CLIC4: variants seen among roughly 807,000 people sequenced by gnomAD.
The protein encoded by CLIC4 is CLIC family member 4.
Under a neutral mutation model 24.6 loss-of-function variants are expected in CLIC4, and 13 were observed. That is an observed-to-expected ratio of 0.53 (90% CI 0.34 to 0.84). The LOEUF is 0.84. Ranked by LOEUF, CLIC4 falls within the 40% of genes least tolerant of loss-of-function variation. CLIC4 has a pLI of 0.01. For missense variants in CLIC4, 227 were observed against 301.7 expected (o/e 0.75, Z 1.83); for synonymous variants, 104 against 111.3 (o/e 0.93, Z 0.41).
At chr1:24,771,780 A>G (rs111882912) in intron 1 of CLIC4, 16 of 479,276 alleles carry the variant, frequency 3.3e-5, no homozygotes, top group Admixed American at 4.4e-5. Context: ...CTATATAGCT[A>G]TTGGTCTAAA....
At chr1:24,821,983 G>T (rs1269568083) in intron 3 of CLIC4, among the ~76,000 whole-genome samples, 1 of 152,150 alleles carries the variant, frequency 6.6e-6, no homozygotes, top group Non-Finnish European at 1.5e-5. Flanking sequence ...TTATTTTGTG[G>T]ATTATCTCTG....
At position 24,827,016 on chromosome 1, in the gene CLIC4, A is replaced by G. The variant is rs1384917326; in HGVS notation, c.315A>G (p.Leu105=). The G allele has an allele frequency of 6.2e-7, 1 of 1,604,238 alleles. No individual in the cohort carries two copies. The highest frequency in any genetic ancestry group is 8.5e-7 in the Non-Finnish European group (1 of 1,176,084). Residue 105 remains leucine (L), a synonymous_variant, in exon 4 of 6, where the codon TTA becomes TTG. Coordinates refer to ENST00000374379, the MANE Select transcript of CLIC4 (RefSeq NM_013943.3). Reference sequence around the variant, plus strand: ...TATCACTTTTTCTATTTAGGTACTTAAAGCTTTCACCAAAACACCCAGAAT... The same window carrying G: ...TATCACTTTTTCTATTTAGGTACTTGAAGCTTTCACCAAAACACCCAGAAT... ...LEEVLCPPKY[L]KLSPKHPESN...
chr1:24,764,684 TATC>T (rs1638971169), intron 1 of CLIC4, among the ~76,000 whole-genome samples: 1 of 152,004 alleles, frequency 6.6e-6, no homozygotes, highest in Admixed American at 6.5e-5. Context: ...CATACTCTGG[TATC>T]TTCTGGCATT....
At chr1:24,764,049 A>G (rs942068243) in intron 1 of CLIC4, among the ~76,000 whole-genome samples, 1 of 152,224 alleles carries the variant, frequency 6.6e-6, no homozygotes, top group Non-Finnish European at 1.5e-5. Context: ...TACTGCTAGT[A>G]AATTATAGTT....
intron 1 of CLIC4, among the ~76,000 whole-genome samples, chr1:24,767,742 G>T (rs3122053): frequency 0.68 from 102,617 of 150,874 alleles, 34,973 homozygotes; most frequent in Admixed American, 0.73. Context: ...TCTCTTTTTT[G>T]TTAATGTGAA....
intron 3 of CLIC4, among the ~76,000 whole-genome samples, chr1:24,814,544 A>G (rs913709449): frequency 6.6e-6 from 1 of 152,214 alleles, no homozygotes; most frequent in African/African-American, 2.4e-5. Context: ...AGGGGTGGGG[A>G]AAGACACATT....
At chr1:24,824,820 G>A (rs931860875) in intron 3 of CLIC4, among the ~76,000 whole-genome samples, 3 of 151,920 alleles carry the variant, frequency 2.0e-5, no homozygotes, top group African/African-American at 7.3e-5. Context: ...GCAACATGGG[G>A]AAACCTCGTC....
rs185668819 is a variant in CLIC4 at position 24,817,680 on chromosome 1, G to A, written c.308+3461G>A. Among the ~76,000 whole-genome samples the A allele has an allele frequency of 6.1e-4, 93 of 152,294 alleles. 1 individual carries two copies. Among genetic ancestry groups the A allele is most frequent in the African/African-American group, 2.0e-3 (85 of 41,556 alleles). On this transcript the variant is annotated intron_variant, in intron 3 of 5. Transcript: ENST00000374379. ...TCTGTATATGCTGTTTGGCTGTTTG[G>A]TGGAAGAAGTCTAGCTTTCAGCCTA...
intron 3 of CLIC4, among the ~76,000 whole-genome samples, chr1:24,815,295 C>T (rs955026440): frequency 3.3e-5 from 5 of 151,774 alleles, no homozygotes; most frequent in South Asian, 2.1e-4. Flanking sequence ...GTTGGGAGTT[C>T]GAGACCAGTC....
At chr1:24,787,825 G>C (rs577792351) in intron 1 of CLIC4, among the ~76,000 whole-genome samples, 1 of 141,888 alleles carries the variant, frequency 7.0e-6, no homozygotes, top group East Asian at 2.1e-4. Context: ...GATTACAGGC[G>C]TGAGTCACCG....
chr1:24,766,813 C>T (rs1042850241), intron 1 of CLIC4, among the ~76,000 whole-genome samples: 14 of 151,336 alleles, frequency 9.3e-5, no homozygotes, highest in African/African-American at 3.4e-4. Context: ...GCCAGTATTT[C>T]TGTCTAGGTG....
At chr1:24,794,291 AT>A (rs966719908) in intron 1 of CLIC4, among the ~76,000 whole-genome samples, 1 of 150,798 alleles carries the variant, frequency 6.6e-6, no homozygotes, top group Non-Finnish European at 1.5e-5. Flanking sequence ...AGTTTAACTA[AT>A]TTACACTCCC....
chr1:24,748,504 T>TTTG (rs1553188252), intron 1 of CLIC4, among the ~76,000 whole-genome samples: 1 of 140,930 alleles, frequency 7.1e-6, no homozygotes, highest in Non-Finnish European at 1.6e-5. Flanking sequence ...TTTTTGTTTT[T>TTTG]TTTTTTTTTT....
At chr1:24,798,721 T>G (rs1260469301) in intron 2 of CLIC4, among the ~76,000 whole-genome samples, 1 of 152,086 alleles carries the variant, frequency 6.6e-6, no homozygotes, top group Non-Finnish European at 1.5e-5. Context: ...AGCTGGACTG[T>G]ACTGCCGCCA....
intron 1 of CLIC4, among the ~76,000 whole-genome samples, chr1:24,787,462 A>C (rs774184286): frequency 6.6e-6 from 1 of 152,150 alleles, no homozygotes; most frequent in Non-Finnish European, 1.5e-5. Flanking sequence ...ATACAGTATA[A>C]TTCACCCATT....
At chr1:24,779,767 G>A (rs185647775) in intron 1 of CLIC4, among the ~76,000 whole-genome samples, 13 of 152,166 alleles carry the variant, frequency 8.5e-5, no homozygotes, top group Admixed American at 2.6e-4. Flanking sequence ...CCATCCACGC[G>A]TCTTTAGGAT....
At chr1:24,805,086 C>CAAAAAAAAAAAAAAAA (rs757976140) in intron 2 of CLIC4, among the ~76,000 whole-genome samples, 2 of 46,770 alleles carry the variant, frequency 4.3e-5, no homozygotes, top group African/African-American at 7.2e-5. Context: ...GACTCCATGT[C>CAAAAAAAAAAAAAAAA]AAAAAAAAAA....
At chr1:24,827,646 A>T (rs573139809) in intron 4 of CLIC4, among the ~76,000 whole-genome samples, 1 of 150,964 alleles carries the variant, frequency 6.6e-6, no homozygotes, top group East Asian at 1.9e-4. Flanking sequence ...AATTAGACAT[A>T]CTATCCTTCC....
At chr1:24,798,282 CATTTA>C (rs1243659678) in intron 2 of CLIC4, among the ~76,000 whole-genome samples, 4 of 152,248 alleles carry the variant, frequency 2.6e-5, no homozygotes, top group African/African-American at 9.6e-5. Context: ...TTGTCAATTT[CATTTA>C]ATTTATTTTT....
Sources: gnomAD v4.1 joint callset for allele counts (sites outside exome capture counted in the v4.1 genomes callset) on GRCh38, gnomAD v4.1.1 for gene constraint, MANE v1.5 for transcripts, NCBI Gene and HGNC (gene_info 2026-07-23, HGNC 2026-07-21) for gene names.